The following TCF7L1 variants were observed in gnomAD, a reference collection of about 807,000 sequenced individuals.
The protein encoded by TCF7L1 is transcription factor 7 like 1.
A neutral mutation model predicts 63.7 loss-of-function variants in TCF7L1; 18 were observed. The observed-to-expected ratio is 0.28, with a 90% CI of 0.20 to 0.42. TCF7L1 has a LOEUF of 0.42. Among genes scored for constraint, TCF7L1 ranks in the 10% least tolerant of loss-of-function variants. TCF7L1 has a pLI of 1.00. For synonymous variants in TCF7L1, 355 were observed against 340.9 expected (o/e 1.04, Z -0.46); for missense variants, 654 against 779.3 (o/e 0.84, Z 1.91).
chr2:85,229,672 A>G (rs1680032072), intron 3 of TCF7L1, among the ~76,000 whole-genome samples: 1 of 152,094 alleles, frequency 6.6e-6, no homozygotes, highest in African/African-American at 2.4e-5. Context: ...ATTTTTTTAA[A>G]TTTTACTTAA....
intron 3 of TCF7L1, among the ~76,000 whole-genome samples, chr2:85,206,981 C>T (rs79226341): frequency 0.037 from 5,599 of 152,264 alleles, 145 homozygotes; most frequent in Middle Eastern, 0.054. Flanking sequence ...TGTTAAGGCG[C>T]GTGCGTGGTA....
intron 7 of TCF7L1, 56 bp from the exon 8 acceptor site, chr2:85,305,204 T>C: frequency 6.2e-7 from 1 of 1,613,448 alleles, no homozygotes; most frequent in Non-Finnish European, 8.5e-7. Flanking sequence ...CTCTGCTGGG[T>C]GGCAGGTATC....
Position 85,306,437 on chromosome 2 carries a change from C to T in TCF7L1, c.1150-15C>T. The T allele has an allele frequency of 6.2e-7, 1 of 1,614,080 alleles. No homozygotes were observed. Among genetic ancestry groups the T allele is most frequent in the Non-Finnish European group, 8.5e-7 (1 of 1,179,956 alleles). On this transcript the variant is annotated splice_polypyrimidine_tract_variant and intron_variant, in intron 9 of 11. Coordinates refer to ENST00000282111, the MANE Select transcript of TCF7L1 (RefSeq NM_031283.3). This position sits in a 1 kb window ranked among gnomAD's most constrained non-coding sequence, Gnocchi z 4.3. ...ATTGATGGCTCCGTGTGGTCTCTGACCCTCTCTCCCCCAGTGGCACAACCT... is the reference window on the plus strand; with the variant it reads ...ATTGATGGCTCCGTGTGGTCTCTGATCCTCTCTCCCCCAGTGGCACAACCT...
chr2:85,234,153 T>TTTTTTTTTTTTTTTTC (rs1558641614), intron 3 of TCF7L1, among the ~76,000 whole-genome samples: 1 of 134,332 alleles, frequency 7.4e-6, no homozygotes, highest in Admixed American at 7.4e-5. Context: ...TTTTTTTTTT[T>TTTTTTTTTTTTTTTTC]CGAGATGGAG....
intron 3 of TCF7L1, among the ~76,000 whole-genome samples, chr2:85,158,896 G>A (rs1055911378): frequency 5.3e-5 from 8 of 152,150 alleles, no homozygotes; most frequent in Admixed American, 3.3e-4. Context: ...GTTTGTCCTC[G>A]GAAGGTTTGC....
intron 3 of TCF7L1, among the ~76,000 whole-genome samples, chr2:85,204,088 TA>T (rs932567817): frequency 6.6e-6 from 1 of 152,018 alleles, no homozygotes; most frequent in Non-Finnish European, 1.5e-5. Flanking sequence ...CTAATGGAGG[TA>T]AAAAAAATCA....
chr2:85,205,534 A>G (rs1025479694), intron 3 of TCF7L1, among the ~76,000 whole-genome samples: 43 of 109,816 alleles, frequency 3.9e-4, no homozygotes, highest in African/African-American at 1.7e-3. Context: ...GTCAGCCCAC[A>G]TTGTTTTTTT....
intron 4 of TCF7L1, among the ~76,000 whole-genome samples, chr2:85,290,838 A>G (rs1681695389): frequency 6.6e-6 from 1 of 152,216 alleles, no homozygotes; most frequent in South Asian, 2.1e-4. Flanking sequence ...TATTCAATTT[A>G]ATGCTCAAGA....
intron 3 of TCF7L1, among the ~76,000 whole-genome samples, chr2:85,243,971 A>G (rs116064469): frequency 0.011 from 1,728 of 152,256 alleles, 28 homozygotes; most frequent in African/African-American, 0.04. Context: ...CCTGCCAGGG[A>G]GGGTTCAGGG....
chr2:85,307,957 C>T (rs1558663254), intron 11 of TCF7L1, among the ~76,000 whole-genome samples: 3 of 152,158 alleles, frequency 2.0e-5, no homozygotes, highest in Non-Finnish European at 4.4e-5. Context: ...CACTTCAAAG[C>T]CTAGACAATC....
chr2:85,148,560 G>GTA (rs1334136223), intron 3 of TCF7L1, among the ~76,000 whole-genome samples: 1 of 152,128 alleles, frequency 6.6e-6, no homozygotes, highest in Admixed American at 6.6e-5. Context: ...AAGCACTGAA[G>GTA]TAACATTTTG....
At chr2:85,242,214 G>C (rs993704994) in intron 3 of TCF7L1, among the ~76,000 whole-genome samples, 3 of 151,526 alleles carry the variant, frequency 2.0e-5, no homozygotes, top group Non-Finnish European at 4.4e-5. Context: ...GATACCATGA[G>C]GCTGGAAACC....
chr2:85,287,634 T>G (rs1444775302), intron 4 of TCF7L1, among the ~76,000 whole-genome samples: 1 of 152,206 alleles, frequency 6.6e-6, no homozygotes, highest in African/African-American at 2.4e-5. Flanking sequence ...CCGTAGTCTA[T>G]ATTATAATAT....
chr2:85,265,560 G>A (rs571172113), intron 3 of TCF7L1, among the ~76,000 whole-genome samples: 3 of 152,134 alleles, frequency 2.0e-5, no homozygotes, highest in South Asian at 2.1e-4. Flanking sequence ...GGAAGGACTC[G>A]TGCAGCTGGC....
chr2:85,277,155 A>G (rs1184139343), intron 3 of TCF7L1, among the ~76,000 whole-genome samples: 4 of 151,940 alleles, frequency 2.6e-5, no homozygotes, highest in Admixed American at 2.6e-4. Flanking sequence ...CCAGAAACCA[A>G]CCAGGGAAGT....
At chr2:85,293,660 A>G (rs929323100) in intron 4 of TCF7L1, among the ~76,000 whole-genome samples, 1 of 152,240 alleles carries the variant, frequency 6.6e-6, no homozygotes, top group Non-Finnish European at 1.5e-5. Context: ...ATAAATAGTA[A>G]AAGCAAACAC....
chr2:85,222,960 A>G (rs1679880128), intron 3 of TCF7L1, among the ~76,000 whole-genome samples: 1 of 152,160 alleles, frequency 6.6e-6, no homozygotes. Context: ...GTGGATGAGC[A>G]AGGAGTGGGT....
intron 3 of TCF7L1, among the ~76,000 whole-genome samples, chr2:85,220,159 G>A (rs1679809536): frequency 6.6e-6 from 1 of 152,106 alleles, no homozygotes; most frequent in Non-Finnish European, 1.5e-5. Context: ...GCAGAGGTAT[G>A]ACAAGCAGTA....
At chr2:85,290,334 CT>C (rs905143182) in intron 4 of TCF7L1, among the ~76,000 whole-genome samples, 10 of 152,114 alleles carry the variant, frequency 6.6e-5, no homozygotes, top group Admixed American at 3.9e-4. Context: ...TACGTGTGCG[CT>C]TTTCCCCCCA....
Sources: allele counts gnomAD v4.1 joint callset (sites outside exome capture counted in the v4.1 genomes callset), GRCh38; gene constraint gnomAD v4.1.1; non-coding constraint Gnocchi (gnomAD v3.1); transcripts MANE v1.5; gene names NCBI Gene and HGNC (gene_info 2026-07-23, HGNC 2026-07-21).